The following KCNJ13 variants were observed in gnomAD, a reference collection of about 807,000 sequenced individuals.
KCNJ13 encodes potassium inwardly rectifying channel subfamily J member 13, also known as inward rectifier potassium channel 13.
A neutral mutation model predicts 24.6 loss-of-function variants in KCNJ13; 9 were observed. The ratio of observed to expected loss-of-function variants is 0.37; its 90% CI spans 0.22 to 0.64. KCNJ13 has a LOEUF of 0.64. Among genes scored for constraint, KCNJ13 ranks in the 30% least tolerant of loss-of-function variants. The probability of loss-of-function intolerance (pLI) is 0.64; values close to 1 mark genes in which losing one functional copy is unlikely to be tolerated. For missense variants in KCNJ13, 337 were observed against 443.8 expected (o/e 0.76, Z 2.16); for synonymous variants, 148 against 154.7 (o/e 0.96, Z 0.32).
Position 232,766,866 on chromosome 2 carries a change from C to T in KCNJ13, c.*1325G>A, listed in dbSNP as rs896615648. ...GGGAAGGTTAATCTTTCATTTTTCC[C>T]ACAGAAACCTGAATAAGGGAAATTT... On this transcript the variant is annotated 3_prime_UTR_variant, in exon 3 of 3. Coordinates refer to ENST00000233826, the MANE Select transcript of KCNJ13 (RefSeq NM_002242.4). 6.6e-6 allele frequency: 1 copy of T among 152,148 alleles called. No homozygotes were observed. The highest frequency in any genetic ancestry group is 2.4e-5 in the African/African-American group (1 of 41,438). 9.4% of individuals were successfully genotyped at this position (152,148 alleles called of 1,614,324 possible). A position where few individuals can be genotyped will look rare whatever the true frequency, so the allele number is the denominator to read the frequency against.
rs773108284 is a variant in KCNJ13 at position 232,768,373 on chromosome 2, A to T, written c.901T>A (p.Ser301Thr). Residue 301 changes from serine (S) to threonine (T), a missense_variant, in exon 3 of 3, where the codon TCT becomes ACT. Physicochemically the swap from Ser to Thr is moderately conservative, Grantham distance 58. Around this residue, in one of 3 missense-constraint regions of KCNJ13, gnomAD observed 235 missense variants for 286.9 expected, o/e 0.82. Coordinates refer to ENST00000233826, the MANE Select transcript of KCNJ13 (RefSeq NM_002242.4). The part of the protein sequence containing the change: ...SEIMLHHCFA[S>T]LLTRGSKGEY... ...CCTTTGGAACCTCGGGTCAACAGAG[A>T]TGCAAAACAGTGATGTAACATGATT... 3.1e-6 allele frequency: 5 copies of T among 1,614,146 alleles called. No homozygotes were observed. The highest frequency in any genetic ancestry group is 2.5e-6 in the Non-Finnish European group (3 of 1,180,012).
At position 232,771,311 on chromosome 2, in the gene KCNJ13, G is replaced by T; in HGVS notation, c.52C>A (p.Arg18=). The change falls in exon 2 of 3, where the codon CGG becomes AGG. Residue 18 remains arginine (R), a synonymous_variant. Transcript: ENST00000233826. ...VIAPLLSQRY[R]RMVTKDGHST... ...TGGCCATCCTTGGTGACCATCCTCC[G>T]GTATCTTTGACTTAGGAGAGGAGCA... The T allele has an allele frequency of 6.2e-7, 1 of 1,611,526 alleles. No individual in the cohort carries two copies.
intron 1 of KCNJ13, among the ~76,000 whole-genome samples, chr2:232,776,120 A>G (rs1699501880): frequency 6.6e-6 from 1 of 152,136 alleles, no homozygotes; most frequent in Non-Finnish European, 1.5e-5. Flanking sequence ...AATTCCTTCC[A>G]AAAGAAAAAG....
Position 232,766,349 on chromosome 2 carries a change from A to G in KCNJ13, c.*1842T>C, listed in dbSNP as rs1051120744. 1 of 181,798 alleles carries G rather than the reference A, an allele frequency of 5.5e-6. No individual in the cohort carries two copies. Among genetic ancestry groups the G allele is most frequent in the African/African-American group, 2.4e-5 (1 of 41,856 alleles). 11.3% of individuals were successfully genotyped at this position (181,798 alleles called of 1,614,324 possible). The stretch of plus-strand genomic sequence containing the variant: ...ATGAAACTCATCTGACTTAAATGGA[A>G]CCTTAGATCTCAGGTTTTACTCATT... On this transcript the variant is annotated 3_prime_UTR_variant, in exon 3 of 3. Coordinates refer to ENST00000233826, the MANE Select transcript of KCNJ13 (RefSeq NM_002242.4).
intron 1 of KCNJ13, among the ~76,000 whole-genome samples, chr2:232,772,019 C>G (rs1699278704): frequency 6.6e-6 from 1 of 152,124 alleles, no homozygotes; most frequent in Non-Finnish European, 1.5e-5. Context: ...GGGTCTTGCT[C>G]TGTCTCCTAG....
chr2:232,766,295 C>A lies in KCNJ13; in HGVS notation c.*1896G>T, dbSNP rs1698961129. ...GGAAGTCATATTTAGTTTTCAAATG[C>A]CAAATTTATTATAAACAGTAAGTAT... On this transcript the variant is annotated 3_prime_UTR_variant, in exon 3 of 3. Transcript: ENST00000233826. 6.6e-6 allele frequency among the ~76,000 whole-genome samples: 1 copy of A among 151,860 alleles called. No individual in the cohort carries two copies. Among genetic ancestry groups the A allele is most frequent in the African/African-American group, 2.4e-5 (1 of 41,312 alleles).
intron 1 of KCNJ13, among the ~76,000 whole-genome samples, chr2:232,773,837 C>T (rs1399138249): frequency 6.8e-6 from 1 of 147,622 alleles, no homozygotes; most frequent in Non-Finnish European, 1.5e-5. Context: ...TTCGGGAGGC[C>T]GAGACAGGAG....
At position 232,768,832 on chromosome 2, in the gene KCNJ13, A is replaced by AT. The variant is rs564583458; in HGVS notation, c.461-20dup. 1.1e-3 allele frequency: 1,683 copies of AT among 1,581,768 alleles called. 11 individuals carry two copies. In the African/African-American group the frequency reaches 0.015, roughly 14 times the overall value. ...AAAGCACCTAAATAAGAAATTATTG[A>AT]TTTTTTTTTAGAATGAAGACTTTAA... On this transcript the variant is annotated intron_variant, in intron 2 of 2. Transcript: ENST00000233826.
chr2:232,776,161 T>G (rs56054779), intron 1 of KCNJ13, among the ~76,000 whole-genome samples: 25,127 of 152,074 alleles, frequency 0.17, 2,603 homozygotes, highest in Non-Finnish European at 0.22. Flanking sequence ...ACTGAATTTT[T>G]TTTCCTAAGG....
At chr2:232,775,983 G>A (rs1699495121) in intron 1 of KCNJ13, among the ~76,000 whole-genome samples, 1 of 151,982 alleles carries the variant, frequency 6.6e-6, no homozygotes, top group Non-Finnish European at 1.5e-5. Flanking sequence ...ATTAATTTCC[G>A]CAATAATTCC....
At chr2:232,775,396 TAAAC>T (rs1368936505) in intron 1 of KCNJ13, among the ~76,000 whole-genome samples, 1 of 152,238 alleles carries the variant, frequency 6.6e-6, no homozygotes, top group African/African-American at 2.4e-5. Flanking sequence ...CAGACTTATG[TAAAC>T]AAACATATTT....
intron 2 of KCNJ13, 47 bp downstream of exon 2, chr2:232,770,856 T>A (rs1423607739): frequency 1.5e-6 from 2 of 1,369,232 alleles, no homozygotes; most frequent in Admixed American, 3.6e-5. Flanking sequence ...AGTTTTGTTT[T>A]GTTTTGTTTT....
rs559498619 is a variant in KCNJ13, at chr2:232,766,908, CA to C, written c.*1282del. 2.0e-5 allele frequency: 3 copies of C among 152,278 alleles called. No homozygotes were observed. In the South Asian group the frequency reaches 6.2e-4, roughly 32 times the overall value. 9.4% of individuals were successfully genotyped at this position (152,278 alleles called of 1,614,324 possible). ...GGGAAATTTCAGAAAAGAACAGCCA[CA>C]AATCTGTTTGAAACCTGATAGGGTG... On this transcript the variant is annotated 3_prime_UTR_variant, in exon 3 of 3. Transcript: ENST00000233826.
Position 232,770,780 on chromosome 2 carries a change from C to A in KCNJ13, c.460+123G>T, listed in dbSNP as rs570372184. The A allele has an allele frequency of 5.4e-5, 38 of 706,648 alleles. 1 individual carries two copies. The highest frequency in any genetic ancestry group is 7.6e-5 in the Admixed American group (3 of 39,488). 43.8% of individuals were successfully genotyped at this position (706,648 alleles called of 1,614,324 possible). A position where few individuals can be genotyped will look rare whatever the true frequency, so the allele number is the denominator to read the frequency against. The stretch of plus-strand genomic sequence containing the variant: ...TTCTATCTTAGACATTACCTGCTAT[C>A]AATATAGATAAATTATTCTGTAACA... On this transcript the variant is annotated intron_variant, in intron 2 of 2. Coordinates refer to ENST00000233826, the MANE Select transcript of KCNJ13 (RefSeq NM_002242.4).
Position 232,768,133 on chromosome 2 carries a change from G to T in KCNJ13, c.*58C>A. The T allele has an allele frequency of 1.9e-6, 3 of 1,563,760 alleles. No individual in the cohort carries two copies. The highest frequency in any genetic ancestry group is 2.6e-6 in the Non-Finnish European group (3 of 1,136,812). On this transcript the variant is annotated 3_prime_UTR_variant, in exon 3 of 3. Coordinates refer to ENST00000233826, the MANE Select transcript of KCNJ13 (RefSeq NM_002242.4). ...AAAAGAAAACATGAGATACAGTAAA[G>T]AAAAAGTAGCTGCATAACTGGCTGG...
chr2:232,768,433 T>C lies in KCNJ13; in HGVS notation c.841A>G (p.Ile281Val). The change falls in exon 3 of 3, where the codon ATA becomes GTA. Residue 281 changes from isoleucine to valine, a missense_variant. Coordinates refer to ENST00000233826, the MANE Select transcript of KCNJ13 (RefSeq NM_002242.4). ...LSAMQEGTGE[I>V]CQRRTSYLPS... ...AGGTAGGATGTCCTCCTTTGGCATA[T>C]TTCTCCAGTGCCCTCCTGCATTGCT... The C allele has an allele frequency of 6.2e-7, 1 of 1,614,212 alleles. No individual in the cohort carries two copies. The highest frequency in any genetic ancestry group is 8.5e-7 in the Non-Finnish European group (1 of 1,180,024).
At chr2:232,770,726 C>CT (rs1261843561) in intron 2 of KCNJ13, among the ~76,000 whole-genome samples, 177 bp downstream of exon 2, 78 of 134,226 alleles carry the variant, frequency 5.8e-4, no homozygotes, top group African/African-American at 1.9e-3. Context: ...TGCATTTCTC[C>CT]TATTTTTTTT....
intron 1 of KCNJ13, among the ~76,000 whole-genome samples, chr2:232,774,292 G>A (rs115417709): frequency 1.1e-4 from 17 of 152,236 alleles, no homozygotes; most frequent in Middle Eastern, 3.4e-3. Context: ...TTCAAGAGCC[G>A]CTCCAGAGTG....
In KCNJ13 at chr2:232,767,023, A is replaced by G. The variant is rs972195729; in HGVS notation, c.*1168T>C. The G allele has an allele frequency of 2.0e-5, 3 of 152,196 alleles. No individual in the cohort carries two copies. Among genetic ancestry groups the G allele is most frequent in the Non-Finnish European group, 4.4e-5 (3 of 68,024 alleles). 9.4% of individuals were successfully genotyped at this position (152,196 alleles called of 1,614,324 possible). The stretch of plus-strand genomic sequence containing the variant: ...TGCAAATGATCATCTTAAACTGGAC[A>G]TAAGGGAAAGGGCTCATTTTAGCAT... On this transcript the variant is annotated 3_prime_UTR_variant, in exon 3 of 3. Transcript: ENST00000233826.
Sources: allele counts gnomAD v4.1 joint callset (sites outside exome capture counted in the v4.1 genomes callset), GRCh38; gene constraint gnomAD v4.1.1; regional missense constraint gnomAD v4.1.1; transcripts MANE v1.5; gene names NCBI Gene and HGNC (gene_info 2026-07-23, HGNC 2026-07-21).